ABCD2: variants seen among roughly 807,000 people sequenced by gnomAD.
ABCD2 encodes the protein ATP-binding cassette sub-family D member 2.
A neutral mutation model predicts 70.9 loss-of-function variants in ABCD2; 36 were observed. The observed-to-expected ratio is 0.51, with a 90% CI of 0.39 to 0.67. The LOEUF (loss-of-function observed/expected upper bound fraction) is 0.67. Ranked by LOEUF, ABCD2 falls within the 30% of genes least tolerant of loss-of-function variation. The pLI is 0.00. For missense variants in ABCD2, 729 were observed against 890.2 expected, an observed-to-expected ratio of 0.82 and a Z score of 2.30; for synonymous variants, 304 against 306.9, an observed-to-expected ratio of 0.99 and a Z score of 0.10.
chr12:39,590,847 G>C (rs1275307821), intron 6 of ABCD2, among the ~76,000 whole-genome samples: 1 of 151,788 alleles, frequency 6.6e-6, no homozygotes, highest in African/African-American at 2.4e-5. Flanking sequence ...GGAAAGCACT[G>C]AGAAGTGTTA....
chr12:39,577,423 G>A (rs1941534477), intron 8 of ABCD2, among the ~76,000 whole-genome samples: 1 of 152,172 alleles, frequency 6.6e-6, no homozygotes, highest in Non-Finnish European at 1.5e-5. Flanking sequence ...TGATAAGGTA[G>A]CAATGAGGTA....
chr12:39,595,019 T>C (rs1262818954), intron 6 of ABCD2, among the ~76,000 whole-genome samples: 1 of 152,042 alleles, frequency 6.6e-6, no homozygotes. Flanking sequence ...TGAGCCAAGA[T>C]TGTGCCACTG....
intron 9 of ABCD2, among the ~76,000 whole-genome samples, chr12:39,567,240 C>T (rs1458539388): frequency 6.6e-6 from 1 of 152,152 alleles, no homozygotes; most frequent in Non-Finnish European, 1.5e-5. Flanking sequence ...GTGTTAAACT[C>T]TCCCAATATT....
intron 2 of ABCD2, among the ~76,000 whole-genome samples, chr12:39,614,605 A>G (rs1942091264): frequency 1.3e-5 from 2 of 151,788 alleles, no homozygotes; most frequent in African/African-American, 4.8e-5. Flanking sequence ...CCTCTAACAT[A>G]AGGGACAAAC....
intron 9 of ABCD2, among the ~76,000 whole-genome samples, chr12:39,568,618 C>G (rs908934549): frequency 2.6e-5 from 4 of 152,186 alleles, no homozygotes; most frequent in African/African-American, 9.7e-5. Context: ...AAGCCTTCTT[C>G]TCTGAACTCG....
intron 7 of ABCD2, among the ~76,000 whole-genome samples, chr12:39,584,232 T>A (rs534647164): frequency 6.6e-6 from 1 of 152,210 alleles, no homozygotes; most frequent in Non-Finnish European, 1.5e-5. Flanking sequence ...AGATGGTACC[T>A]CATTGTGGTT....
intron 9 of ABCD2, among the ~76,000 whole-genome samples, chr12:39,564,444 T>C (rs1181308959): frequency 1.3e-5 from 2 of 152,250 alleles, no homozygotes; most frequent in African/African-American, 2.4e-5. Flanking sequence ...GAAGTGTCTG[T>C]TCATATCCTT....
At position 39,573,824 on chromosome 12, in the gene ABCD2, A is replaced by C; in HGVS notation, c.1895T>G (p.Leu632Arg). The C allele has an allele frequency of 6.2e-7, 1 of 1,611,714 alleles. No homozygotes were observed. The highest frequency in any genetic ancestry group is 8.5e-7 in the Non-Finnish European group (1 of 1,178,796). ...GCTGACAGCACTGGTACATTCATCC[A>C]GCAAGGCATATTTTGGTCTTTTAAA... ...MFYHKPKYAL[L>R]DECTSAVSID... is the part of the protein sequence containing the mutation. Residue 632 changes from leucine (L) to arginine (R), a missense_variant, in exon 9 of 10, where the codon CTG (leucine) becomes CGG (arginine). This residue lies in a region of ABCD2 where 289 missense variants were observed against 328.8 expected (regional missense o/e 0.88). Transcript: ENST00000308666.
Position 39,603,880 on chromosome 12 carries a change from A to G in ABCD2, c.1500+32T>C, listed in dbSNP as rs1367586080. 4 of 1,497,030 alleles carry G rather than the reference A, an allele frequency of 2.7e-6. No homozygotes were observed. In the South Asian group the frequency reaches 3.4e-5, roughly 13 times the overall value. The allele number at this position is 1,497,030 out of a possible 1,614,324, so 92.7% of individuals were successfully genotyped here. On this transcript the variant is annotated intron_variant, in intron 5 of 9. Transcript: ENST00000308666. Reference sequence around the variant, plus strand: ...AGTTGTTTTGTATTAGTGTGATGGCAACAATCAGAAGATTCTTGAATATCA... The same window carrying G: ...AGTTGTTTTGTATTAGTGTGATGGCGACAATCAGAAGATTCTTGAATATCA...
At chr12:39,565,053 C>T (rs1034607885) in intron 9 of ABCD2, among the ~76,000 whole-genome samples, 15 of 152,112 alleles carry the variant, frequency 9.9e-5, no homozygotes, top group Non-Finnish European at 1.9e-4. Flanking sequence ...AGTTTGAAGT[C>T]GGGTAGCGTG....
At chr12:39,583,888 G>A (rs1941630662) in intron 7 of ABCD2, among the ~76,000 whole-genome samples, 1 of 152,094 alleles carries the variant, frequency 6.6e-6, no homozygotes, top group Admixed American at 6.5e-5. Flanking sequence ...AATATTCCAT[G>A]GTGGACCTCT....
At chr12:39,617,486 C>T (rs1942132463) in intron 1 of ABCD2, among the ~76,000 whole-genome samples, 1 of 152,000 alleles carries the variant, frequency 6.6e-6, no homozygotes, top group Non-Finnish European at 1.5e-5. Context: ...TTGTTGATTA[C>T]ACCAAAAATA....
intron 9 of ABCD2, among the ~76,000 whole-genome samples, chr12:39,572,928 T>C (rs900335361): frequency 1.3e-5 from 2 of 152,202 alleles, no homozygotes; most frequent in Non-Finnish European, 2.9e-5. Context: ...GAATGTAGTA[T>C]TTATGGTTAA....
In ABCD2 at chr12:39,586,176, A is replaced by C. The variant is rs1253995120; in HGVS notation, c.1768T>G (p.Tyr590Asp). Reference sequence around the variant, plus strand: ...CCTCCTTCTCTTTGAACTATGTGATAGAGATGGACATTGTGTAGGATACGT... The same window carrying C: ...CCTCCTTCTCTTTGAACTATGTGATCGAGATGGACATTGTGTAGGATACGT... ...LERILHNVHL[Y>D]HIVQREGGWD... The change falls in exon 7 of 10, where the codon TAT (tyrosine) becomes GAT (aspartate). Residue 590 changes from tyrosine to aspartate, a missense_variant. Transcript: ENST00000308666. 1.9e-6 allele frequency: 3 copies of C among 1,612,558 alleles called. No homozygotes were observed. The highest frequency in any genetic ancestry group is 2.7e-5 in the African/African-American group (2 of 74,874).
intron 1 of ABCD2, 25 bp from the exon 2 acceptor site, chr12:39,617,193 G>T: frequency 1.3e-6 from 2 of 1,484,620 alleles, no homozygotes; most frequent in South Asian, 1.5e-5. Context: ...AAGAGTTGAG[G>T]ACTTTTTTTA....
chr12:39,542,087 G>A, the ABCD2 span, among the ~76,000 whole-genome samples: 4 of 152,250 alleles, frequency 2.6e-5, no homozygotes, highest in East Asian at 7.7e-4. Context: ...CAGGATTTGT[G>A]ATCATGCATT....
chr12:39,577,636 A>G, intron 8 of ABCD2, among the ~76,000 whole-genome samples: 1 of 152,148 alleles, frequency 6.6e-6, no homozygotes, highest in East Asian at 1.9e-4. Flanking sequence ...TTTTTGAGAC[A>G]ATTAGGGAAA....
chr12:39,549,086 T>A (rs1398850784), downstream of ABCD2, among the ~76,000 whole-genome samples: 1 of 151,976 alleles, frequency 6.6e-6, no homozygotes, highest in East Asian at 1.9e-4. Flanking sequence ...TGATCTGAAC[T>A]TGAGAAGCGG....
At chr12:39,585,663 C>T (rs1267394394) in intron 7 of ABCD2, among the ~76,000 whole-genome samples, 1 of 152,002 alleles carries the variant, frequency 6.6e-6, no homozygotes, top group East Asian at 1.9e-4. Flanking sequence ...ATGTTTTATG[C>T]TGAAAAACCA....
Sources: allele counts gnomAD v4.1 joint callset (sites outside exome capture counted in the v4.1 genomes callset), GRCh38; gene constraint gnomAD v4.1.1; regional missense constraint gnomAD v4.1.1; transcripts MANE v1.5; gene names NCBI Gene and HGNC (gene_info 2026-07-23, HGNC 2026-07-21).